FRMPD1: variants seen among roughly 807,000 people sequenced by gnomAD.
FRMPD1 encodes the protein FERM and PDZ domain-containing protein 1.
A neutral mutation model predicts 117.8 loss-of-function variants in FRMPD1; 76 were observed. That is an observed-to-expected ratio of 0.65 (90% CI 0.54 to 0.78). The LOEUF (loss-of-function observed/expected upper bound fraction) is 0.78, where lower values mean the gene tolerates loss of function less well. Ranked by LOEUF, FRMPD1 falls within the 30% of genes least tolerant of loss-of-function variation. FRMPD1 has a pLI of 0.00. For missense variants in FRMPD1, 1,786 were observed against 1,964.5 expected, an observed-to-expected ratio of 0.91 and a Z score of 1.72; for synonymous variants, 783 against 770.4, an observed-to-expected ratio of 1.02 and a Z score of -0.27.
intron 1 of FRMPD1, among the ~76,000 whole-genome samples, chr9:37,659,234 A>G (rs1820926565): frequency 6.6e-6 from 1 of 151,154 alleles, no homozygotes; most frequent in Non-Finnish European, 1.5e-5. Context: ...TACTTTTGCA[A>G]CTCCCTTTTG....
chr9:37,653,467 G>A (rs997140384), intron 1 of FRMPD1, among the ~76,000 whole-genome samples: 1 of 152,158 alleles, frequency 6.6e-6, no homozygotes, highest in African/African-American at 2.4e-5. Flanking sequence ...CCTGATTCAA[G>A]GGGCAGGGGC....
intron 6 of FRMPD1, among the ~76,000 whole-genome samples, chr9:37,722,869 CT>C (rs538615997): frequency 1.9e-3 from 291 of 152,092 alleles, no homozygotes; most frequent in African/African-American, 6.7e-3. Flanking sequence ...TGCTGGTGTG[CT>C]GCACCTATTA....
intron 2 of FRMPD1, among the ~76,000 whole-genome samples, chr9:37,697,740 GTCA>G (rs2118073872): frequency 6.6e-6 from 1 of 152,266 alleles, no homozygotes; most frequent in African/African-American, 2.4e-5. Context: ...CAATCAAATT[GTCA>G]TCTTCTTTAT....
chr9:37,719,323 A>G lies in FRMPD1; in HGVS notation c.516+147A>G. On this transcript the variant is annotated intron_variant, in intron 6 of 15. Transcript: ENST00000377765. ...AGAGGCTTTGTGCGCCCTCCCAGTC[A>G]GATGCCTGCAGACCCTGGACTGGGA... The G allele has an allele frequency of 4.8e-6, 3 of 627,410 alleles. 1 individual carries two copies. The highest frequency in any genetic ancestry group is 4.2e-4 in the Middle Eastern group (1 of 2,376). The allele number at this position is 627,410 out of a possible 1,614,324, so 38.9% of individuals were successfully genotyped here. A position where few individuals can be genotyped will look rare whatever the true frequency, so the allele number is the denominator to read the frequency against.
In FRMPD1 at chr9:37,745,485, C is replaced by T. The variant is rs766723520; in HGVS notation, c.3453C>T (p.Ser1151=). 7 of 1,613,956 alleles carry T rather than the reference C, an allele frequency of 4.3e-6. No individual in the cohort carries two copies. The East Asian group carries it at 1.6e-4, about 36-fold the overall frequency. The stretch of plus-strand genomic sequence containing the variant: ...ATGTTTCACAGACTCTTGATATTAG[C>T]TCTCCAGCTGGTAAAATAGTAACCT... ...SNNVSQTLDI[S]SPAGKIVTSL... Residue 1151 remains serine (S), a synonymous_variant, in exon 16 of 16, where the codon AGC becomes AGT. Transcript: ENST00000377765.
chr9:37,743,113 G>T (rs1824498725), intron 15 of FRMPD1, among the ~76,000 whole-genome samples: 1 of 152,154 alleles, frequency 6.6e-6, no homozygotes, highest in African/African-American at 2.4e-5. Flanking sequence ...ATTCCCAAGG[G>T]TTCTTTACAA....
At position 37,733,538 on chromosome 9, in the gene FRMPD1, T is replaced by C; in HGVS notation, c.1061T>C (p.Ile354Thr). 1 of 1,613,774 alleles carries C rather than the reference T, an allele frequency of 6.2e-7. No homozygotes were observed. Among genetic ancestry groups the C allele is most frequent in the African/African-American group, 1.3e-5 (1 of 74,996 alleles). ...TLLRNMKGKD[I>T]KKAISFHMKR... is the part of the protein sequence containing the mutation. Reference sequence around the variant, plus strand: ...CTCCGAAACATGAAAGGCAAAGACATCAAGAAAGCCATTAGCTTCCACATG... The same window carrying C: ...CTCCGAAACATGAAAGGCAAAGACACCAAGAAAGCCATTAGCTTCCACATG... Residue 354 changes from isoleucine to threonine, a missense_variant, in exon 11 of 16, where the codon ATC (isoleucine) becomes ACC (threonine). Transcript: ENST00000377765.
chr9:37,717,449 G>A (rs1027720837), intron 5 of FRMPD1, among the ~76,000 whole-genome samples: 4 of 147,698 alleles, frequency 2.7e-5, no homozygotes, highest in Admixed American at 6.9e-5. Context: ...GTGCAATCTC[G>A]GCTCACTGCA....
chr9:37,636,817 C>T, the FRMPD1 span: 2 of 1,612,184 alleles, frequency 1.2e-6, no homozygotes, highest in Non-Finnish European at 1.7e-6. Context: ...TGAACGCCTG[C>T]TCGACATTGG....
intron 6 of FRMPD1, among the ~76,000 whole-genome samples, chr9:37,721,202 C>CG (rs113922808): frequency 0.01 from 1,570 of 152,262 alleles, 26 homozygotes; most frequent in African/African-American, 0.035. Flanking sequence ...TGGGGCACCT[C>CG]GGGGAATCTT....
intron 1 of FRMPD1, among the ~76,000 whole-genome samples, chr9:37,652,163 A>G (rs79097704): frequency 4.0e-5 from 6 of 151,518 alleles, no homozygotes; most frequent in Admixed American, 6.6e-5. Context: ...GTTGTTTGGG[A>G]AAAAAAAATA....
At chr9:37,695,261 T>G (rs1338661778) in intron 2 of FRMPD1, among the ~76,000 whole-genome samples, 1 of 152,228 alleles carries the variant, frequency 6.6e-6, no homozygotes, top group Non-Finnish European at 1.5e-5. Flanking sequence ...CATACCATTC[T>G]ACATTTCCAC....
chr9:37,662,454 C>T (rs542663377), intron 1 of FRMPD1, among the ~76,000 whole-genome samples: 1 of 152,252 alleles, frequency 6.6e-6, no homozygotes, highest in South Asian at 2.1e-4. Flanking sequence ...CAGTCCTTGG[C>T]CTTACAGAGG....
At chr9:37,654,892 G>C (rs1378337134) in intron 1 of FRMPD1, among the ~76,000 whole-genome samples, 1 of 152,222 alleles carries the variant, frequency 6.6e-6, no homozygotes, top group African/African-American at 2.4e-5. Context: ...GGATCAGGCC[G>C]AGTGGTGTGG....
chr9:37,604,115 G>T, the FRMPD1 span, among the ~76,000 whole-genome samples: 1 of 152,178 alleles, frequency 6.6e-6, no homozygotes, highest in Non-Finnish European at 1.5e-5. Flanking sequence ...CAACTGTTAA[G>T]TGTGCGAATT....
chr9:37,677,690 A>G (rs1821577913), intron 1 of FRMPD1, among the ~76,000 whole-genome samples: 1 of 152,344 alleles, frequency 6.6e-6, no homozygotes, highest in African/African-American at 2.4e-5. Flanking sequence ...AAGAACTGTG[A>G]GTCCAGTAGT....
intron 1 of FRMPD1, among the ~76,000 whole-genome samples, chr9:37,676,665 G>A (rs143647070): frequency 5.3e-5 from 8 of 152,316 alleles, no homozygotes; most frequent in African/African-American, 1.4e-4. Context: ...CAGCCAGAGT[G>A]GCCCGTTGGC....
chr9:37,741,447 CA>C (rs921170080), intron 15 of FRMPD1, among the ~76,000 whole-genome samples: 2 of 115,856 alleles, frequency 1.7e-5, no homozygotes, highest in Non-Finnish European at 1.8e-5. Context: ...GAGATCCTGG[CA>C]GGACACACAC....
the FRMPD1 span, among the ~76,000 whole-genome samples, chr9:37,628,921 G>A: frequency 1.2e-4 from 18 of 152,328 alleles, no homozygotes; most frequent in African/African-American, 3.4e-4. Context: ...ATATCAGGCC[G>A]GGCGCGGTGG....
Sources: allele counts gnomAD v4.1 joint callset (sites outside exome capture counted in the v4.1 genomes callset), GRCh38; gene constraint gnomAD v4.1.1; transcripts MANE v1.5; gene names NCBI Gene and HGNC (gene_info 2026-07-23, HGNC 2026-07-21).